The following PIBF1 variants were observed in gnomAD, a reference collection of about 807,000 sequenced individuals.
PIBF1 encodes progesterone-induced-blocking factor 1.
A neutral mutation model predicts 112.5 loss-of-function variants in PIBF1; 90 were observed. The observed-to-expected ratio is 0.80, with a 90% CI of 0.67 to 0.95. PIBF1 has a LOEUF of 0.95. Among genes scored for constraint, PIBF1 ranks in the 40% least tolerant of loss-of-function variants. The pLI is 0.00. For missense variants in PIBF1, 915 were observed against 852.3 expected (o/e 1.07, Z -0.92); for synonymous variants, 301 against 288.6 (o/e 1.04, Z -0.44).
At chr13:72,796,714 A>T (rs966038327) in intron 4 of PIBF1, among the ~76,000 whole-genome samples, 4 of 151,884 alleles carry the variant, frequency 2.6e-5, no homozygotes, top group African/African-American at 9.7e-5. Flanking sequence ...GTCCAAAACA[A>T]ATTAAATATC....
chr13:72,807,466 T>A (rs1032323986), intron 5 of PIBF1, among the ~76,000 whole-genome samples: 1 of 152,148 alleles, frequency 6.6e-6, no homozygotes. Flanking sequence ...TCCCAGCTAC[T>A]CAGGAGGCTG....
At chr13:72,967,958 G>A (rs572889673) in intron 15 of PIBF1, among the ~76,000 whole-genome samples, 8 of 152,186 alleles carry the variant, frequency 5.3e-5, no homozygotes, top group Non-Finnish European at 1.2e-4. Flanking sequence ...GGCCGAGGCG[G>A]GCGGATCACG....
chr13:72,838,478 C>A (rs2037456597), intron 9 of PIBF1, among the ~76,000 whole-genome samples: 3 of 152,186 alleles, frequency 2.0e-5, no homozygotes, highest in African/African-American at 7.2e-5. Flanking sequence ...AATCAGGCAG[C>A]TTCCAGAATC....
intron 2 of PIBF1, among the ~76,000 whole-genome samples, chr13:72,790,104 A>G (rs1406179584): frequency 6.6e-6 from 1 of 152,154 alleles, no homozygotes; most frequent in Non-Finnish European, 1.5e-5. Context: ...GGCTGGATTT[A>G]GCCCATCACC....
At chr13:72,813,329 A>G (rs367969991) in intron 5 of PIBF1, among the ~76,000 whole-genome samples, 3 of 152,320 alleles carry the variant, frequency 2.0e-5, no homozygotes, top group African/African-American at 2.4e-5. Flanking sequence ...TCCCTCTCTC[A>G]GCTGTCTTCT....
chr13:72,951,293 G>T (rs1376516203), intron 14 of PIBF1, among the ~76,000 whole-genome samples: 1 of 152,082 alleles, frequency 6.6e-6, no homozygotes, highest in African/African-American at 2.4e-5. Flanking sequence ...AACAAGTATT[G>T]CCTGAACATG....
At chr13:73,003,842 T>C (rs898567849) in intron 17 of PIBF1, among the ~76,000 whole-genome samples, 4 of 152,096 alleles carry the variant, frequency 2.6e-5, no homozygotes, top group Non-Finnish European at 4.4e-5. Flanking sequence ...CCCAAATAGC[T>C]GAGACCACAT....
intron 17 of PIBF1, among the ~76,000 whole-genome samples, chr13:73,000,729 TCTGACC>T (rs1261615602): frequency 6.6e-6 from 1 of 152,210 alleles, no homozygotes; most frequent in Non-Finnish European, 1.5e-5. Context: ...CACTATTCCT[TCTGACC>T]CTGACCTTCT....
chr13:72,903,041 G>A (rs138636938), intron 11 of PIBF1, among the ~76,000 whole-genome samples: 14 of 151,820 alleles, frequency 9.2e-5, no homozygotes, highest in Non-Finnish European at 1.3e-4. Context: ...GATTACAGGC[G>A]TGCACCACCA....
chr13:72,821,350 G>A (rs890001262), intron 5 of PIBF1, among the ~76,000 whole-genome samples: 6 of 152,080 alleles, frequency 3.9e-5, no homozygotes, highest in Non-Finnish European at 8.8e-5. Context: ...GATGTGTTTC[G>A]AGGGTCACAC....
At chr13:72,928,771 T>C (rs1022521062) in intron 13 of PIBF1, among the ~76,000 whole-genome samples, 6 of 152,336 alleles carry the variant, frequency 3.9e-5, no homozygotes, top group Non-Finnish European at 7.3e-5. Flanking sequence ...TTATGACTTA[T>C]GATATTTTTA....
intron 14 of PIBF1, among the ~76,000 whole-genome samples, chr13:72,932,481 G>A (rs936490186): frequency 3.9e-5 from 6 of 152,110 alleles, no homozygotes; most frequent in African/African-American, 1.4e-4. Context: ...TAATGCTTGG[G>A]GTTGACACAG....
At chr13:72,959,203 C>G (rs1244962833) in intron 14 of PIBF1, among the ~76,000 whole-genome samples, 2 of 152,018 alleles carry the variant, frequency 1.3e-5, no homozygotes, top group Non-Finnish European at 2.9e-5. Flanking sequence ...GCCATGTTGG[C>G]CAGGCTGGTC....
chr13:72,967,692 T>A (rs1367400148), intron 15 of PIBF1, among the ~76,000 whole-genome samples: 1 of 152,216 alleles, frequency 6.6e-6, no homozygotes, highest in Non-Finnish European at 1.5e-5. Context: ...TTGATCGTTG[T>A]TGAAGCGGGG....
At chr13:72,895,085 C>T (rs1450495432) in intron 11 of PIBF1, among the ~76,000 whole-genome samples, 1 of 151,838 alleles carries the variant, frequency 6.6e-6, no homozygotes, top group Non-Finnish European at 1.5e-5. Flanking sequence ...GATCACATCA[C>T]TGCACTCTGG....
intron 5 of PIBF1, among the ~76,000 whole-genome samples, chr13:72,811,045 A>G (rs895726070): frequency 6.6e-6 from 1 of 152,020 alleles, no homozygotes; most frequent in African/African-American, 2.4e-5. Flanking sequence ...TCTTTTTAGT[A>G]GAGACAGGGT....
intron 10 of PIBF1, among the ~76,000 whole-genome samples, chr13:72,866,457 C>A (rs1364988524): frequency 1.3e-5 from 2 of 149,826 alleles, no homozygotes; most frequent in African/African-American, 5.1e-5. Flanking sequence ...TACTGAAATT[C>A]TATGATATTT....
intron 13 of PIBF1, among the ~76,000 whole-genome samples, chr13:72,929,150 G>A (rs76176460): frequency 0.12 from 17,846 of 152,224 alleles, 1,308 homozygotes; most frequent in Non-Finnish European, 0.17. Flanking sequence ...CACCTAACAT[G>A]TATGAAGAGT....
intron 10 of PIBF1, among the ~76,000 whole-genome samples, chr13:72,867,035 A>T (rs1175346795): frequency 6.6e-6 from 1 of 152,176 alleles, no homozygotes; most frequent in African/African-American, 2.4e-5. Context: ...ACAGTTATTG[A>T]TATGGTTTGG....
Sources: allele counts gnomAD v4.1 joint callset (sites outside exome capture counted in the v4.1 genomes callset), GRCh38; gene constraint gnomAD v4.1.1; transcripts MANE v1.5; gene names NCBI Gene and HGNC (gene_info 2026-07-23, HGNC 2026-07-21).